LAPTM4B: variants seen among roughly 807,000 people sequenced by gnomAD.
LAPTM4B encodes lysosomal-associated transmembrane protein 4B.
A neutral mutation model predicts 28.5 loss-of-function variants in LAPTM4B; 26 were observed. The ratio of observed to expected loss-of-function variants is 0.91; its 90% CI spans 0.67 to 1.27. The LOEUF (loss-of-function observed/expected upper bound fraction) is 1.27. Ranked by LOEUF, LAPTM4B falls within the 50% of genes most tolerant of loss-of-function variation. The pLI is 0.00. For missense variants in LAPTM4B, 288 were observed against 285.8 expected (o/e 1.01, Z -0.06); for synonymous variants, 109 against 106.4 (o/e 1.02, Z -0.15).
At chr8:97,776,229 AACTT>A (rs1326472680) in intron 1 of LAPTM4B, 121 bp downstream of exon 1, 5 of 1,175,980 alleles carry the variant, frequency 4.3e-6, no homozygotes, top group Non-Finnish European at 4.5e-6. Context: ...TATTATTAGA[AACTT>A]AATTCTCCGG....
At chr8:97,778,443 C>G (rs1432334980) in intron 1 of LAPTM4B, among the ~76,000 whole-genome samples, 1 of 152,058 alleles carries the variant, frequency 6.6e-6, no homozygotes, top group Non-Finnish European at 1.5e-5. Context: ...GGCTCCTTCA[C>G]TTGCAGCCCC....
intron 6 of LAPTM4B, among the ~76,000 whole-genome samples, chr8:97,849,663 C>T (rs940334209): frequency 3.3e-5 from 5 of 152,198 alleles, no homozygotes; most frequent in African/African-American, 7.2e-5. Flanking sequence ...GGCCAGTTAT[C>T]GGCTTCTTGC....
chr8:97,782,906 TTTTA>T (rs60489660), intron 1 of LAPTM4B, among the ~76,000 whole-genome samples: 3,569 of 135,070 alleles, frequency 0.026, 114 homozygotes, highest in African/African-American at 0.08. Flanking sequence ...TAATTTTGTA[TTTTA>T]TTTATTTATT....
chr8:97,846,225 A>G (rs1817431867), intron 6 of LAPTM4B, among the ~76,000 whole-genome samples: 2 of 151,930 alleles, frequency 1.3e-5, no homozygotes, highest in South Asian at 4.2e-4. Flanking sequence ...TTTATACTTC[A>G]TATTTTGGGA....
At chr8:97,791,604 C>T (rs190803916) in intron 1 of LAPTM4B, among the ~76,000 whole-genome samples, 41 of 152,210 alleles carry the variant, frequency 2.7e-4, no homozygotes, top group African/African-American at 9.4e-4. Context: ...TGGAGCACTC[C>T]CTTGAAAGGA....
intron 6 of LAPTM4B, among the ~76,000 whole-genome samples, chr8:97,830,016 TGAA>T (rs1430366344): frequency 1.3e-5 from 2 of 152,038 alleles, no homozygotes; most frequent in Non-Finnish European, 2.9e-5. Context: ...TTCCAGAAAG[TGAA>T]GAAGATGTTC....
intron 6 of LAPTM4B, 136 bp from the exon 7 acceptor site, chr8:97,851,261 A>G (rs980642835): frequency 2.8e-6 from 2 of 723,282 alleles, no homozygotes; most frequent in South Asian, 1.6e-5. Flanking sequence ...AATGAAGTGT[A>G]TCCACTTGCT....
chr8:97,782,906 T>TTTTATTTTATTTA (rs1554588791), intron 1 of LAPTM4B, among the ~76,000 whole-genome samples: 1 of 135,078 alleles, frequency 7.4e-6, no homozygotes, highest in Non-Finnish European at 1.6e-5. Context: ...TAATTTTGTA[T>TTTTATTTTATTTA]TTTATTTATT....
intron 6 of LAPTM4B, among the ~76,000 whole-genome samples, chr8:97,840,705 A>T: frequency 6.6e-6 from 1 of 152,264 alleles, no homozygotes; most frequent in East Asian, 1.9e-4. Context: ...CTTGGGGAAG[A>T]CAGAAAAGAT....
chr8:97,842,734 G>T (rs1388800391), intron 6 of LAPTM4B, among the ~76,000 whole-genome samples: 1 of 152,000 alleles, frequency 6.6e-6, no homozygotes, highest in Non-Finnish European at 1.5e-5. Flanking sequence ...GGCCAGGCTG[G>T]TTTCTAACTC....
chr8:97,805,587 C>CGG, intron 2 of LAPTM4B, 123 bp downstream of exon 2: 1 of 666,406 alleles, frequency 1.5e-6, no homozygotes, highest in Non-Finnish European at 2.7e-6. Context: ...CATTGCAAAT[C>CGG]AACGAATATT....
At chr8:97,783,775 G>A (rs1051901887) in intron 1 of LAPTM4B, among the ~76,000 whole-genome samples, 15 of 152,052 alleles carry the variant, frequency 9.9e-5, no homozygotes, top group Admixed American at 8.5e-4. Context: ...CTGTTTTGCC[G>A]TGATCTAAAC....
intron 5 of LAPTM4B, among the ~76,000 whole-genome samples, chr8:97,820,355 C>T (rs1328318824): frequency 5.7e-5 from 8 of 139,536 alleles, no homozygotes; most frequent in Admixed American, 1.5e-4. Flanking sequence ...TAGGCTGCCT[C>T]CTGCCTTGGT....
intron 1 of LAPTM4B, among the ~76,000 whole-genome samples, chr8:97,798,671 A>C (rs1816627531): frequency 6.6e-6 from 1 of 151,856 alleles, no homozygotes; most frequent in South Asian, 2.1e-4. Flanking sequence ...TAAGAAGGAC[A>C]CACTGAGCCA....
At chr8:97,831,917 C>A (rs1258755233) in intron 6 of LAPTM4B, among the ~76,000 whole-genome samples, 1 of 152,140 alleles carries the variant, frequency 6.6e-6, no homozygotes, top group Non-Finnish European at 1.5e-5. Flanking sequence ...CTTTATTAGA[C>A]CCAGCTGGTG....
chr8:97,825,361 T>G (rs894565425), intron 6 of LAPTM4B, among the ~76,000 whole-genome samples: 1 of 152,232 alleles, frequency 6.6e-6, no homozygotes, highest in African/African-American at 2.4e-5. Flanking sequence ...GATATTAAAA[T>G]GTAGATGGCT....
chr8:97,789,003 A>AT (rs1228247555), intron 1 of LAPTM4B, among the ~76,000 whole-genome samples: 8 of 150,976 alleles, frequency 5.3e-5, no homozygotes, highest in Non-Finnish European at 1.2e-4. Flanking sequence ...CCTGACAGCC[A>AT]TTTTTTTGGA....
Position 97,805,345 on chromosome 8 carries a change from T to A in LAPTM4B, c.100-8T>A. On this transcript the variant is annotated splice_region_variant and splice_polypyrimidine_tract_variant and intron_variant, in intron 1 of 6. Transcript: ENST00000521545. ...AATTCTTTTTTTTTTTTTTTTTTCT[T>A]GTTGCAGATCATCAATGCTGTGGTA... is the stretch of plus-strand genomic sequence containing the variant. 1.6e-6 allele frequency: 2 copies of A among 1,283,722 alleles called. No individual in the cohort carries two copies. The highest frequency in any genetic ancestry group is 2.2e-6 in the Non-Finnish European group (2 of 908,232). The allele number at this position is 1,283,722 out of a possible 1,614,324, so 79.5% of individuals were successfully genotyped here.
At chr8:97,831,447 A>G (rs2262488) in intron 6 of LAPTM4B, among the ~76,000 whole-genome samples, 71,432 of 151,810 alleles carry the variant, frequency 0.47, 17,063 homozygotes, top group East Asian at 0.58. Context: ...AAGGGAGGGG[A>G]TTTTAGGAAG....
Sources: allele counts gnomAD v4.1 joint callset (sites outside exome capture counted in the v4.1 genomes callset), GRCh38; gene constraint gnomAD v4.1.1; transcripts MANE v1.5; gene names NCBI Gene and HGNC (gene_info 2026-07-23, HGNC 2026-07-21).